CBX2: variants seen among roughly 807,000 people sequenced by gnomAD.
CBX2 encodes the protein chromobox 2, also known as chromobox protein homolog 2.
A neutral mutation model predicts 21.0 loss-of-function variants in CBX2; 11 were observed. The observed-to-expected ratio is 0.52, with a 90% CI of 0.33 to 0.87. The LOEUF (loss-of-function observed/expected upper bound fraction) is 0.87. Ranked by LOEUF, CBX2 falls within the 40% of genes least tolerant of loss-of-function variation. The probability of loss-of-function intolerance (pLI) is 0.02; values close to 1 mark genes in which losing one functional copy is unlikely to be tolerated. For missense variants in CBX2, 746 were observed against 724.3 expected (o/e 1.03, Z -0.34); for synonymous variants, 364 against 304.6 (o/e 1.19, Z -2.03).
At position 79,778,192 on chromosome 17, in the gene CBX2, G is replaced by C; in HGVS notation, c.-44G>C. On this transcript the variant is annotated 5_prime_UTR_variant, in exon 1 of 5. Transcript: ENST00000310942. This position sits in a 1 kb window ranked among gnomAD's most constrained non-coding sequence, Gnocchi z 4.8. ...GCGGGGCGCGCGGCGGTCCGGGCGG[G>C]TGACTGGCGGCGGGCGCCGCGGTCG... is the stretch of plus-strand genomic sequence containing the variant. 2 of 1,225,472 alleles carry C rather than the reference G, an allele frequency of 1.6e-6. No homozygotes were observed. The highest frequency in any genetic ancestry group is 1.0e-6 in the Non-Finnish European group (1 of 970,470). 75.9% of individuals were successfully genotyped at this position (1,225,472 alleles called of 1,614,324 possible). A position where few individuals can be genotyped will look rare whatever the true frequency, so the allele number is the denominator to read the frequency against.
chr17:79,783,372 G>T (rs1186019878), intron 4 of CBX2, among the ~76,000 whole-genome samples: 1 of 152,002 alleles, frequency 6.6e-6, no homozygotes, highest in East Asian at 1.9e-4. Flanking sequence ...TCTGGACCCT[G>T]GGAACAGGCA....
chr17:79,777,628 C>A (rs1906813002), upstream of CBX2, among the ~76,000 whole-genome samples: 2 of 152,026 alleles, frequency 1.3e-5, no homozygotes, highest in Non-Finnish European at 2.9e-5. Context: ...GTTTTGCTCT[C>A]GTCCAAAACA....
chr17:79,778,207 C>G lies in CBX2; in HGVS notation c.-29C>G, dbSNP rs782165518. Reference sequence around the variant, plus strand: ...GTCCGGGCGGGTGACTGGCGGCGGGCGCCGCGGTCGGGCTGGCTGCCGGGC... The same window carrying G: ...GTCCGGGCGGGTGACTGGCGGCGGGGGCCGCGGTCGGGCTGGCTGCCGGGC... On this transcript the variant is annotated 5_prime_UTR_variant, in exon 1 of 5. Transcript: ENST00000310942. The surrounding 1 kb of genome is among the most constrained non-coding windows in gnomAD (Gnocchi z 4.8). 2 of 1,292,454 alleles carry G rather than the reference C, an allele frequency of 1.5e-6. No individual in the cohort carries two copies. The highest frequency in any genetic ancestry group is 2.2e-5 in the South Asian group (1 of 44,798). 80.1% of individuals were successfully genotyped at this position (1,292,454 alleles called of 1,614,324 possible).
chr17:79,784,548 G>A lies in CBX2; in HGVS notation c.1105G>A (p.Gly369Ser). 1 of 1,612,620 alleles carries A rather than the reference G, an allele frequency of 6.2e-7. No individual in the cohort carries two copies. The highest frequency in any genetic ancestry group is 8.5e-7 in the Non-Finnish European group (1 of 1,179,904). ...TGTCAAGAATGGCATGCCCGGGGTG[G>A]GTCTCCTTGCCCGCCACGCCACCGC... Reference protein sequence around the residue: ...QSVKNGMPGVGLLARHATATK... With the variant: ...QSVKNGMPGVSLLARHATATK... Residue 369 changes from glycine (G) to serine (S), a missense_variant, in exon 5 of 5, where the codon GGT becomes AGT. Physicochemically the swap from Gly to Ser is moderately conservative, Grantham distance 56 (BLOSUM62 0). Around this residue, in one of 2 missense-constraint regions of CBX2, gnomAD observed 701 missense variants for 650.7 expected, o/e 1.08. Transcript: ENST00000310942. This position sits in a 1 kb window ranked among gnomAD's most constrained non-coding sequence, Gnocchi z 5.9.
rs11653768 is a variant in CBX2, at chr17:79,785,892, A to G, written c.*850A>G. 0.078 allele frequency: 11,962 copies of G among 152,550 alleles called. 606 individuals are homozygous for G. The highest frequency in any genetic ancestry group is 0.11 in the Non-Finnish European group (7,598 of 68,232). The allele number at this position is 152,550 out of a possible 1,614,324, so 9.4% of individuals were successfully genotyped here. The stretch of plus-strand genomic sequence containing the variant: ...CCACCCTCCCTCCTGCCTGTGTCCC[A>G]GTGAGAACTGACCTGAGTCCCCTTC... On this transcript the variant is annotated 3_prime_UTR_variant, in exon 5 of 5. Coordinates refer to ENST00000310942, the MANE Select transcript of CBX2 (RefSeq NM_005189.3).
At chr17:79,782,276 G>A (rs1907282901) in intron 4 of CBX2, 2 of 1,546,972 alleles carry the variant, frequency 1.3e-6, no homozygotes, top group Non-Finnish European at 1.7e-6. Context: ...AATAGCCAGG[G>A]GGTGCCAGGA....
chr17:79,777,493 A>G (rs868972259), upstream of CBX2, among the ~76,000 whole-genome samples: 1 of 152,142 alleles, frequency 6.6e-6, no homozygotes, highest in African/African-American at 2.4e-5. Flanking sequence ...TCTTTCTCAG[A>G]GTGCTTGGTG....
Position 79,784,564 on chromosome 17 carries a change from A to T in CBX2, c.1121A>T (p.His374Leu). The change falls in exon 5 of 5, where the codon CAC becomes CTC. Residue 374 changes from histidine to leucine, a missense_variant. Physicochemically the swap from His to Leu is moderately conservative, Grantham distance 99. Coordinates refer to ENST00000310942, the MANE Select transcript of CBX2 (RefSeq NM_005189.3). This position sits in a 1 kb window ranked among gnomAD's most constrained non-coding sequence, Gnocchi z 5.9. ...CCCGGGGTGGGTCTCCTTGCCCGCC[A>T]CGCCACCGCCACCAAGGGTGTCCCG... is the stretch of plus-strand genomic sequence containing the variant. ...GMPGVGLLAR[H>L]ATATKGVPAT... 1 of 1,612,506 alleles carries T rather than the reference A, an allele frequency of 6.2e-7. No homozygotes were observed. Among genetic ancestry groups the T allele is most frequent in the Non-Finnish European group, 8.5e-7 (1 of 1,179,856 alleles).
intron 3 of CBX2, chr17:79,779,700 C>T: frequency 2.0e-6 from 1 of 508,236 alleles, no homozygotes; most frequent in Non-Finnish European, 3.6e-6. Flanking sequence ...TTGCAAAAAC[C>T]AACTTTTTCA....
In CBX2 at chr17:79,784,126, T is replaced by C. The variant is rs782001491; in HGVS notation, c.683T>C (p.Met228Thr). The C allele has an allele frequency of 6.2e-7, 1 of 1,611,954 alleles. No individual in the cohort carries two copies. The highest frequency in any genetic ancestry group is 8.5e-7 in the Non-Finnish European group (1 of 1,179,514). ...GAGGCCTGTGGCGGCCCCAGTGCCA[T>C]GGCCACCCCAGAGAACCTGGCCAGC... Reference protein sequence around the residue: ...AKEACGGPSAMATPENLASLM... With the variant: ...AKEACGGPSATATPENLASLM... Residue 228 changes from methionine to threonine, a missense_variant, in exon 5 of 5, where the codon ATG (methionine) becomes ACG (threonine). Around this residue, in one of 2 missense-constraint regions of CBX2, gnomAD observed 701 missense variants for 650.7 expected, o/e 1.08. Transcript: ENST00000310942. This position sits in a 1 kb window ranked among gnomAD's most constrained non-coding sequence, Gnocchi z 5.9.
At position 79,784,811 on chromosome 17, in the gene CBX2, A is replaced by G. The variant is rs1254791540; in HGVS notation, c.1368A>G (p.Pro456=). The part of the protein sequence containing the change: ...PGEARKAATL[P]EMSAGEESSS... ...AAGCCCGCAAGGCGGCCACACTGCC[A>G]GAGATGAGCGCAGGTGAGGAGAGTA... The change falls in exon 5 of 5, where the codon CCA becomes CCG. Residue 456 remains proline (P), a synonymous_variant. Transcript: ENST00000310942. The surrounding 1 kb of genome is among the most constrained non-coding windows in gnomAD (Gnocchi z 5.9). 7 of 1,611,552 alleles carry G rather than the reference A, an allele frequency of 4.3e-6. No individual in the cohort carries two copies. The highest frequency in any genetic ancestry group is 1.6e-4 in the Middle Eastern group (1 of 6,078).
rs1446220091 is a variant in CBX2, at chr17:79,785,394, C to T, written c.*352C>T. ...GCGTTGTTGCTGAGTTTGAACTGCT[C>T]CTCCCTGGCCTGCGTGACTGAATCA... On this transcript the variant is annotated 3_prime_UTR_variant, in exon 5 of 5. Transcript: ENST00000310942. 3.1e-5 allele frequency: 11 copies of T among 353,862 alleles called. No homozygotes were observed. Among genetic ancestry groups the T allele is most frequent in the Non-Finnish European group, 4.8e-5 (9 of 185,928 alleles). 21.9% of individuals were successfully genotyped at this position (353,862 alleles called of 1,614,324 possible). A position where few individuals can be genotyped will look rare whatever the true frequency, so the allele number is the denominator to read the frequency against.
intron 3 of CBX2, among the ~76,000 whole-genome samples, chr17:79,780,184 C>T (rs782686509): frequency 1.3e-5 from 2 of 152,226 alleles, no homozygotes; most frequent in Non-Finnish European, 2.9e-5. Context: ...TCACTGACGG[C>T]TCCCCCTGGA....
At position 79,784,885 on chromosome 17, in the gene CBX2, A is replaced by G. The variant is rs1907528714; in HGVS notation, c.1442A>G (p.Gln481Arg). ...TCCGCCTCGCCGCCCAGCACTGGAC[A>G]GAACCCGTCAGTGTCCGTTCAGACC... ...PDSASPPSTGQNPSVSVQTSQ... is the reference protein window; with the variant it reads ...PDSASPPSTGRNPSVSVQTSQ... Residue 481 changes from glutamine to arginine, a missense_variant, in exon 5 of 5, where the codon CAG becomes CGG. By Grantham distance (43) the Gln-to-Arg change is conservative (BLOSUM62 1). Transcript: ENST00000310942. This position sits in a 1 kb window ranked among gnomAD's most constrained non-coding sequence, Gnocchi z 5.9. 4 of 1,613,422 alleles carry G rather than the reference A, an allele frequency of 2.5e-6. No individual in the cohort carries two copies. In the South Asian group the frequency reaches 4.4e-5, roughly 18 times the overall value.
Position 79,779,433 on chromosome 17 carries a change from G to A in CBX2, c.182+6G>A, listed in dbSNP as rs1355751089. 1.9e-6 allele frequency: 3 copies of A among 1,607,188 alleles called. No homozygotes were observed. In the African/African-American group the frequency reaches 4.1e-5, roughly 22 times the overall value. ...CTCCTGGCCTTCCAGAAGAAGTGAG[G>A]ACGCTGACAGCACTGGGGAGGGTGT... On this transcript the variant is annotated splice_donor_region_variant and intron_variant, in intron 3 of 4. Coordinates refer to ENST00000310942, the MANE Select transcript of CBX2 (RefSeq NM_005189.3).
chr17:79,781,748 C>A lies in CBX2; in HGVS notation c.235C>A (p.Arg79=). 6.2e-7 allele frequency: 1 copy of A among 1,614,094 alleles called. No individual in the cohort carries two copies. The highest frequency in any genetic ancestry group is 8.5e-7 in the Non-Finnish European group (1 of 1,180,032). ...NRKRGKRPRG[R]PRKLTAMSSC... ...GAAGAGAGGCAAGAGGCCGAGAGGC[C>A]GGCCAAGGAAGCTCACTGCCATGTC... Residue 79 remains arginine (R), a synonymous_variant, in exon 4 of 5, where the codon CGG becomes AGG. Transcript: ENST00000310942.
At chr17:79,782,910 G>A (rs1002126642) in intron 4 of CBX2, among the ~76,000 whole-genome samples, 22 of 152,154 alleles carry the variant, frequency 1.4e-4, no homozygotes, top group African/African-American at 3.1e-4. Context: ...TAACATTGGC[G>A]GTGACATCCA....
At chr17:79,782,155 C>T (rs782495203) in intron 4 of CBX2, 2 of 1,612,752 alleles carry the variant, frequency 1.2e-6, no homozygotes, top group South Asian at 1.1e-5. Context: ...AGTAGGTGCT[C>T]ATAGGATTGC....
rs181613648 is a variant in CBX2, at chr17:79,787,357, G to C, written c.*2315G>C. 6.5e-6 allele frequency: 1 copy of C among 152,746 alleles called. No homozygotes were observed. Among genetic ancestry groups the C allele is most frequent in the Admixed American group, 6.5e-5 (1 of 15,302 alleles). 9.5% of individuals were successfully genotyped at this position (152,746 alleles called of 1,614,324 possible). ...GCCGGGTCTCTCCAGACCCTGATTC[G>C]GTGCCTTTCTGTTTACCAGCTACTT... On this transcript the variant is annotated 3_prime_UTR_variant, in exon 5 of 5. Coordinates refer to ENST00000310942, the MANE Select transcript of CBX2 (RefSeq NM_005189.3).
Sources: gnomAD v4.1 joint callset for allele counts (sites outside exome capture counted in the v4.1 genomes callset) on GRCh38, gnomAD v4.1.1 for gene constraint, gnomAD v4.1.1 regional missense constraint, Gnocchi (gnomAD v3.1) non-coding constraint, MANE v1.5 for transcripts, NCBI Gene and HGNC (gene_info 2026-07-23, HGNC 2026-07-21) for gene names.